The following TDP2 variants were observed in gnomAD, a reference collection of about 807,000 sequenced individuals.
The protein encoded by TDP2 is tyrosyl-DNA phosphodiesterase 2, also known as 5'-Tyr-DNA phosphodiesterase.
Under a neutral mutation model 42.8 loss-of-function variants are expected in TDP2, and 38 were observed. The ratio of observed to expected loss-of-function variants is 0.89; its 90% CI spans 0.68 to 1.16. The LOEUF (loss-of-function observed/expected upper bound fraction) is 1.16. TDP2 is among the 50% of genes most tolerant of loss of function. The pLI is 0.00. For synonymous variants in TDP2, 173 were observed against 150.6 expected, an observed-to-expected ratio of 1.15 and a Z score of -1.09; for missense variants, 439 against 439.3, an observed-to-expected ratio of 1.00 and a Z score of 0.01.
chr6:24,662,166 CACT>C (rs1360130234), intron 2 of TDP2, among the ~76,000 whole-genome samples: 2 of 152,238 alleles, frequency 1.3e-5, no homozygotes, highest in South Asian at 2.1e-4. Flanking sequence ...GGATTCCCCC[CACT>C]GAGACAGCCT....
rs1399421899 is a variant in TDP2, at chr6:24,658,783, A to G, written c.252-49T>C. 3 of 1,543,682 alleles carry G rather than the reference A, an allele frequency of 1.9e-6. No homozygotes were observed. The African/African-American group carries it at 4.2e-5, about 21-fold the overall frequency. On this transcript the variant is annotated intron_variant, in intron 2 of 6. Transcript: ENST00000378198. ...GGCTTTGCAAATAATCTATAAATTGATTAAGAATTATTTTGTATTTGTAGC... is the reference window on the plus strand; with the variant it reads ...GGCTTTGCAAATAATCTATAAATTGGTTAAGAATTATTTTGTATTTGTAGC...
chr6:24,653,888 TCTTA>T (rs1444305984), intron 5 of TDP2, among the ~76,000 whole-genome samples: 2 of 152,204 alleles, frequency 1.3e-5, no homozygotes, highest in African/African-American at 4.8e-5. Context: ...AATATGTATG[TCTTA>T]CATATTTTTC....
rs1017513805 is a variant in TDP2, at chr6:24,650,207, A to G, written c.*581T>C. 3.9e-5 allele frequency: 6 copies of G among 152,400 alleles called. No individual in the cohort carries two copies. The highest frequency in any genetic ancestry group is 1.4e-4 in the African/African-American group (6 of 41,468). 9.4% of individuals were successfully genotyped at this position (152,400 alleles called of 1,614,324 possible). A position where few individuals can be genotyped will look rare whatever the true frequency, so the allele number is the denominator to read the frequency against. ...GCTTAACTTTGCCTCTGTTGACAAC[A>G]TGACTACAAACATGAATCAAAAAGG... On this transcript the variant is annotated 3_prime_UTR_variant, in exon 7 of 7. Coordinates refer to ENST00000378198, the MANE Select transcript of TDP2 (RefSeq NM_016614.3).
intron 4 of TDP2, among the ~76,000 whole-genome samples, chr6:24,654,737 G>GAAATA (rs551654399): frequency 1.3e-5 from 2 of 151,980 alleles, no homozygotes; most frequent in Non-Finnish European, 2.9e-5. Context: ...AAGCTTAGAA[G>GAAATA]AAATAAAATA....
intron 6 of TDP2, 86 bp downstream of exon 6, chr6:24,652,897 G>A (rs751482713): frequency 6.8e-7 from 1 of 1,477,312 alleles, no homozygotes; most frequent in East Asian, 2.3e-5. Flanking sequence ...AAAGGTCCTA[G>A]TTTTAACAGC....
chr6:24,651,731 C>A (rs1193122858), intron 6 of TDP2, among the ~76,000 whole-genome samples: 8 of 152,162 alleles, frequency 5.3e-5, no homozygotes, highest in Middle Eastern at 3.4e-3. Flanking sequence ...GGATCACAGG[C>A]ATGTGCCACA....
chr6:24,666,291 C>T (rs1019869825), intron 2 of TDP2: 1 of 1,531,088 alleles, frequency 6.5e-7, no homozygotes, highest in Non-Finnish European at 8.8e-7. Context: ...TCCATCTTTT[C>T]CTCCCTGGAC....
chr6:24,664,142 C>T (rs1014764894), intron 2 of TDP2, among the ~76,000 whole-genome samples: 1 of 152,040 alleles, frequency 6.6e-6, no homozygotes, highest in Non-Finnish European at 1.5e-5. Context: ...TTTTAAATCA[C>T]CTGGAGATCT....
rs149428824 is a variant in TDP2, at chr6:24,666,498, A to T, written c.251+28T>A. 5.5e-3 allele frequency: 8,779 copies of T among 1,608,562 alleles called. 61 individuals are homozygous for T. The highest frequency in any genetic ancestry group is 0.031 in the Middle Eastern group (186 of 6,038). On this transcript the variant is annotated intron_variant, in intron 2 of 6. Transcript: ENST00000378198. ...CTGGTATCAAACTGCCTCCGTGCGG[A>T]CTGGCTCCCGCTCCCCTCATCACTT...
rs781613923 is a variant in TDP2 at position 24,650,936 on chromosome 6, C to T, written c.941G>A (p.Arg314His). ...TGCTCTGAAAAATATTCGATCAAAACGAAGTTTACAAGCAGCAGTTATTCC... is the reference window on the plus strand; with the variant it reads ...TGCTCTGAAAAATATTCGATCAAAATGAAGTTTACAAGCAGCAGTTATTCC... ...NLGITAACKL[R>H]FDRIFFRAAA... The change falls in exon 7 of 7, where the codon CGT (arginine) becomes CAT (histidine). Residue 314 changes from arginine to histidine, a missense_variant. By Grantham distance (29) the Arg-to-His change is conservative. Transcript: ENST00000378198. 7.4e-6 allele frequency: 12 copies of T among 1,613,962 alleles called. No homozygotes were observed. The South Asian group carries it at 1.2e-4, about 16-fold the overall frequency.
intron 4 of TDP2, 143 bp downstream of exon 4, chr6:24,657,669 A>G (rs3212232): frequency 0.2 from 75,674 of 380,136 alleles, 8,369 homozygotes; most frequent in Non-Finnish European, 0.23. Context: ...TAATTCTTGT[A>G]GTATTCTGTG....
chr6:24,659,034 C>T (rs1778101037), intron 2 of TDP2: 1 of 240,610 alleles, frequency 4.2e-6, no homozygotes, highest in South Asian at 1.3e-4. Flanking sequence ...AATCATAAGG[C>T]TTTTGTTTAA....
chr6:24,666,193 C>T (rs1419825327), intron 2 of TDP2: 2 of 1,550,410 alleles, frequency 1.3e-6, no homozygotes, highest in African/African-American at 2.7e-5. Flanking sequence ...TCCAAGTTGC[C>T]ATTTTTCGAT....
rs1431259858 is a variant in TDP2 at position 24,666,084 on chromosome 6, G to A, written c.251+442C>T. On this transcript the variant is annotated intron_variant, in intron 2 of 6. Transcript: ENST00000378198. Reference sequence around the variant, plus strand: ...AGGGGCACTGAAATAACAGGAGTAGGTGTGCATTAAAAAAAAATAACAACA... The same window carrying A: ...AGGGGCACTGAAATAACAGGAGTAGATGTGCATTAAAAAAAAATAACAACA... The A allele has an allele frequency of 5.9e-6, 9 of 1,538,288 alleles. No homozygotes were observed. The South Asian group carries it at 6.1e-5, about 10-fold the overall frequency.
chr6:24,655,048 G>T (rs1464685519), intron 4 of TDP2, among the ~76,000 whole-genome samples: 2 of 151,622 alleles, frequency 1.3e-5, no homozygotes, highest in East Asian at 3.9e-4. Flanking sequence ...CAAAATAAAT[G>T]AATAAATAAA....
In TDP2 at chr6:24,666,393, C is replaced by T. The variant is rs1778236724; in HGVS notation, c.251+133G>A. 5 of 1,414,530 alleles carry T rather than the reference C, an allele frequency of 3.5e-6. No individual in the cohort carries two copies. In the East Asian group the frequency reaches 6.9e-5, roughly 19 times the overall value. The allele number at this position is 1,414,530 out of a possible 1,614,324, so 87.6% of individuals were successfully genotyped here. On this transcript the variant is annotated intron_variant, in intron 2 of 6. Transcript: ENST00000378198. The stretch of plus-strand genomic sequence containing the variant: ...CAGCAGCAGCAACGCAAGCCCTGCT[C>T]CTCTGGCTACGCAGCTTGGAGATCT...
chr6:24,661,515 C>G (rs973606355), intron 2 of TDP2, among the ~76,000 whole-genome samples: 1 of 152,154 alleles, frequency 6.6e-6, no homozygotes, highest in African/African-American at 2.4e-5. Flanking sequence ...TGGAATCAGT[C>G]ATTTCTTTTT....
At position 24,650,624 on chromosome 6, in the gene TDP2, C is replaced by T; in HGVS notation, c.*164G>A. 1.4e-6 allele frequency: 1 copy of T among 696,806 alleles called. No homozygotes were observed. The allele number at this position is 696,806 out of a possible 1,614,324, so 43.2% of individuals were successfully genotyped here. A position where few individuals can be genotyped will look rare whatever the true frequency, so the allele number is the denominator to read the frequency against. ...GCAGGAATGTGTTCGTTTAAATAAA[C>T]ATTAATCTTTAATGTTGAATTCTGA... is the stretch of plus-strand genomic sequence containing the variant. On this transcript the variant is annotated 3_prime_UTR_variant, in exon 7 of 7. Coordinates refer to ENST00000378198, the MANE Select transcript of TDP2 (RefSeq NM_016614.3).
intron 2 of TDP2, among the ~76,000 whole-genome samples, chr6:24,665,646 G>A (rs1241152813): frequency 2.0e-5 from 3 of 152,132 alleles, no homozygotes; most frequent in South Asian, 4.1e-4. Flanking sequence ...AATTAACAAT[G>A]TACAAAACAG....
Sources: gnomAD v4.1 joint callset for allele counts (sites outside exome capture counted in the v4.1 genomes callset) on GRCh38, gnomAD v4.1.1 for gene constraint, MANE v1.5 for transcripts, NCBI Gene and HGNC (gene_info 2026-07-23, HGNC 2026-07-21) for gene names.